The following CDT1 variants were observed in gnomAD, a reference collection of about 807,000 sequenced individuals.
The protein encoded by CDT1 is chromatin licensing and DNA replication factor 1.
CDT1 carries 66 observed loss-of-function variants against 49.3 expected under a neutral mutation model. That is an observed-to-expected ratio of 1.34 (90% CI 1.10 to 1.64). The LOEUF (loss-of-function observed/expected upper bound fraction) is 1.64, where lower values mean the gene tolerates loss of function less well. CDT1 is among the 40% of genes most tolerant of loss of function. The pLI is 0.00. For missense variants in CDT1, 958 were observed against 807.7 expected, an observed-to-expected ratio of 1.19 and a Z score of -2.26; for synonymous variants, 424 against 347.4, an observed-to-expected ratio of 1.22 and a Z score of -2.45.
chr16:88,808,484 T>C lies in CDT1; in HGVS notation c.*206T>C, dbSNP rs1908958958. The C allele has an allele frequency of 8.2e-6, 5 of 613,154 alleles. No individual in the cohort carries two copies. Among genetic ancestry groups the C allele is most frequent in the Non-Finnish European group, 1.4e-5 (5 of 351,828 alleles). 38.0% of individuals were successfully genotyped at this position (613,154 alleles called of 1,614,324 possible). A position where few individuals can be genotyped will look rare whatever the true frequency, so the allele number is the denominator to read the frequency against. On this transcript the variant is annotated 3_prime_UTR_variant, in exon 10 of 10. Coordinates refer to ENST00000301019, the MANE Select transcript of CDT1 (RefSeq NM_030928.4). ...CCCTTCATGGGGCTCACCTGGTGGA[T>C]TCACATTAAACCGGTTTCTGTGGGC...
rs763895797 is a variant in CDT1, at chr16:88,806,530, C to G, written c.978C>G (p.Asp326Glu). 2 of 1,610,756 alleles carry G rather than the reference C, an allele frequency of 1.2e-6. No individual in the cohort carries two copies. Among genetic ancestry groups the G allele is most frequent in the Non-Finnish European group, 1.7e-6 (2 of 1,179,176 alleles). ...GCCCCGCCATGGTGGTGCCGGAGGA[C>G]CAGCTGACCCGCTGGCACCCGCGCT... The part of the protein sequence containing the change: ...SLSPAMVVPE[D>E]QLTRWHPRFN... Residue 326 changes from aspartate to glutamate, a missense_variant, in exon 7 of 10, where the codon GAC becomes GAG. Physicochemically the swap from Asp to Glu is conservative, Grantham distance 45. Transcript: ENST00000301019.
In CDT1 at chr16:88,803,927, C is replaced by T; in HGVS notation, c.96C>T (p.Pro32=). The change falls in exon 1 of 10, where the codon CCC becomes CCT. Residue 32 remains proline, a synonymous_variant. Coordinates refer to ENST00000301019, the MANE Select transcript of CDT1 (RefSeq NM_030928.4). ...PPKLACRTPS[P]ARPALRAPAS... The stretch of plus-strand genomic sequence containing the variant: ...AGCTGGCCTGCCGCACCCCCAGCCC[C>T]GCCAGGCCCGCACTCCGCGCCCCGG... 3 of 1,376,148 alleles carry T rather than the reference C, an allele frequency of 2.2e-6. No individual in the cohort carries two copies. The highest frequency in any genetic ancestry group is 1.9e-6 in the Non-Finnish European group (2 of 1,062,914). The allele number at this position is 1,376,148 out of a possible 1,614,324, so 85.2% of individuals were successfully genotyped here.
Position 88,803,850 on chromosome 16 carries a change from A to T in CDT1, c.19A>T (p.Thr7Ser). 6.7e-7 allele frequency: 1 copy of T among 1,496,928 alleles called. No homozygotes were observed. Among genetic ancestry groups the T allele is most frequent in the East Asian group, 2.9e-5 (1 of 34,518 alleles). 92.7% of individuals were successfully genotyped at this position (1,496,928 alleles called of 1,614,324 possible). A position where few individuals can be genotyped will look rare whatever the true frequency, so the allele number is the denominator to read the frequency against. Residue 7 changes from threonine to serine, a missense_variant, in exon 1 of 10, where the codon ACC (threonine) becomes TCC (serine). Transcript: ENST00000301019. ...CGCCGCCATGGAGCAGCGCCGCGTC[A>T]CCGACTTCTTCGCGCGCCGCCGCCC... Reference protein sequence around the residue: MEQRRVTDFFARRRPGP... With the variant: MEQRRVSDFFARRRPGP...
At position 88,807,189 on chromosome 16, in the gene CDT1, G is replaced by C. The variant is rs761890744; in HGVS notation, c.1261G>C (p.Asp421His). The C allele has an allele frequency of 3.1e-6, 5 of 1,612,298 alleles. No homozygotes were observed. In the African/African-American group the frequency reaches 5.3e-5, roughly 17 times the overall value. Residue 421 changes from aspartate to histidine, a missense_variant, in exon 8 of 10, where the codon GAT becomes CAT. By Grantham distance (81) the Asp-to-His change is moderately conservative. Transcript: ENST00000301019. ...SPSALKGVSQ[D>H]LLERIRAKEA... The stretch of plus-strand genomic sequence containing the variant: ...CAGTGCTCTGAAGGGGGTGTCCCAG[G>C]ATCTGCTGGAGCGGGTGAGTCGTCC...
rs745731001 is a variant in CDT1 at position 88,806,006 on chromosome 16, G to A, written c.833-15G>A. On this transcript the variant is annotated splice_polypyrimidine_tract_variant and intron_variant, in intron 5 of 9. Transcript: ENST00000301019. ...GGTGGCCTGGTGGGGACTTAGGCCTGGACTCGTCCCACAGAGGCTGACGGA... is the reference window on the plus strand; with the variant it reads ...GGTGGCCTGGTGGGGACTTAGGCCTAGACTCGTCCCACAGAGGCTGACGGA... 6.3e-7 allele frequency: 1 copy of A among 1,584,180 alleles called. No individual in the cohort carries two copies. The highest frequency in any genetic ancestry group is 8.6e-7 in the Non-Finnish European group (1 of 1,168,760).
intron 9 of CDT1, 77 bp from the exon 10 acceptor site, chr16:88,808,038 G>A: frequency 6.6e-7 from 1 of 1,524,816 alleles, no homozygotes; most frequent in South Asian, 1.2e-5. Context: ...AGGTTGGGTG[G>A]TCAGGCTGGT....
At position 88,804,778 on chromosome 16, in the gene CDT1, T is replaced by A. The variant is rs753685223; in HGVS notation, c.368T>A (p.Leu123His). Residue 123 changes from leucine to histidine, a missense_variant, in exon 3 of 10, where the codon CTT (leucine) becomes CAT (histidine). Physicochemically the swap from Leu to His is moderately conservative, Grantham distance 99. Coordinates refer to ENST00000301019, the MANE Select transcript of CDT1 (RefSeq NM_030928.4). ...CCCCTGAAGGACACCATCTCTGAGC[T>A]TGCGTCATGCCTGCAACGGGCCCGG... ...SAQDQDTISE[L>H]ASCLQRAREL... The A allele has an allele frequency of 2.5e-6, 4 of 1,612,826 alleles. No individual in the cohort carries two copies. The highest frequency in any genetic ancestry group is 3.4e-6 in the Non-Finnish European group (4 of 1,179,872).
intron 7 of CDT1, 78 bp from the exon 8 acceptor site, chr16:88,806,973 T>C: frequency 2.6e-6 from 4 of 1,565,544 alleles, no homozygotes; most frequent in Non-Finnish European, 3.5e-6. Context: ...CCTTGAGAGA[T>C]ACCGGGGACT....
Position 88,807,299 on chromosome 16 carries a change from C to CAG in CDT1, c.1296_1297dup (p.Lys433ArgfsTer7), listed in dbSNP as rs1908897166. 6.2e-7 allele frequency: 1 copy of CAG among 1,612,368 alleles called. No homozygotes were observed. Among genetic ancestry groups the CAG allele is most frequent in the Non-Finnish European group, 8.5e-7 (1 of 1,179,926 alleles). On this transcript the variant is annotated frameshift_variant, in exon 9 of 10. Coordinates refer to ENST00000301019, the MANE Select transcript of CDT1 (RefSeq NM_030928.4). LOFTEE classifies it high-confidence loss of function. ...GCTGCAGATCCGAGCCAAGGAGGCACAGAAGCAGCTGGCACAGATGACGCG... is the reference window on the plus strand; with the variant it reads ...GCTGCAGATCCGAGCCAAGGAGGCACAGAGAAGCAGCTGGCACAGATGACGCG...
At chr16:88,808,047 G>A in intron 9 of CDT1, 68 bp from the exon 10 acceptor site, 1 of 1,566,118 alleles carries the variant, frequency 6.4e-7, no homozygotes, top group Non-Finnish European at 8.7e-7. Flanking sequence ...GGTCAGGCTG[G>A]TTTCAAGTGC....
chr16:88,804,084 CCGGGGAGTTGGGGG>C, intron 1 of CDT1, 25 bp downstream of exon 1: 1 of 1,356,708 alleles, frequency 7.4e-7, no homozygotes, highest in Non-Finnish European at 9.5e-7. Flanking sequence ...GAGACTGAGG[CCGGGGAGTTGGGGG>C]CGGGGAGACT....
In CDT1 at chr16:88,804,569, G is replaced by A; in HGVS notation, c.253G>A (p.Ala85Thr). ...DEVSSPSTPEAPDIPACPSPG... is the reference protein window; with the variant it reads ...DEVSSPSTPETPDIPACPSPG... ...GGTTTCCAGCCCCAGTACCCCCGAG[G>A]CCCCAGACATCCCAGCCTGCCCTTC... Residue 85 changes from alanine to threonine, a missense_variant, in exon 2 of 10, where the codon GCC becomes ACC. Coordinates refer to ENST00000301019, the MANE Select transcript of CDT1 (RefSeq NM_030928.4). 1.2e-6 allele frequency: 2 copies of A among 1,612,926 alleles called. No homozygotes were observed. The highest frequency in any genetic ancestry group is 1.7e-6 in the Non-Finnish European group (2 of 1,179,824).
Position 88,807,429 on chromosome 16 carries a change from T to C in CDT1, c.1424T>C (p.Met475Thr), listed in dbSNP as rs749966576. The C allele has an allele frequency of 2.5e-6, 4 of 1,612,976 alleles. No individual in the cohort carries two copies. The highest frequency in any genetic ancestry group is 1.3e-5 in the African/African-American group (1 of 74,940). ...TCCGAACGCAAGCCTGCGCTCAGCATGGAGGTGGCCTGTGCCAGGATGGTG... is the reference window on the plus strand; with the variant it reads ...TCCGAACGCAAGCCTGCGCTCAGCACGGAGGTGGCCTGTGCCAGGATGGTG... ...FVSERKPALS[M>T]EVACARMVGS... The change falls in exon 9 of 10, where the codon ATG becomes ACG. Residue 475 changes from methionine (M) to threonine (T), a missense_variant. Coordinates refer to ENST00000301019, the MANE Select transcript of CDT1 (RefSeq NM_030928.4).
In CDT1 at chr16:88,808,324, G is replaced by T; in HGVS notation, c.*46G>T. On this transcript the variant is annotated 3_prime_UTR_variant, in exon 10 of 10. Transcript: ENST00000301019. ...AGACGTGGGCTTCAGAAGCTCGCTG[G>T]CCTGGGCCCACCAGCATTTTCTTTT... is the stretch of plus-strand genomic sequence containing the variant. The T allele has an allele frequency of 6.5e-7, 1 of 1,537,666 alleles. No homozygotes were observed.
chr16:88,807,505 G>T, intron 9 of CDT1, 23 bp downstream of exon 9: 1 of 1,605,692 alleles, frequency 6.2e-7, no homozygotes, highest in South Asian at 1.1e-5. Context: ...CGGGGTGAAG[G>T]GGCGTGCAGG....
chr16:88,806,183 C>T, intron 6 of CDT1, 62 bp downstream of exon 6: 5 of 1,385,998 alleles, frequency 3.6e-6, no homozygotes, highest in East Asian at 2.5e-5. Flanking sequence ...CAGCACCTAA[C>T]CCTGTGCTTG....
Position 88,806,512 on chromosome 16 carries a change from C to A in CDT1, c.960C>A (p.Ala320=), listed in dbSNP as rs760937524. The part of the protein sequence containing the change: ...HKAFLASLSP[A]MVVPEDQLTR... Reference sequence around the variant, plus strand: ...CCTTCCTGGCCTCCCTGAGCCCCGCCATGGTGGTGCCGGAGGACCAGCTGA... The same window carrying A: ...CCTTCCTGGCCTCCCTGAGCCCCGCAATGGTGGTGCCGGAGGACCAGCTGA... The change falls in exon 7 of 10, where the codon GCC becomes GCA. Residue 320 remains alanine (A), a synonymous_variant. Coordinates refer to ENST00000301019, the MANE Select transcript of CDT1 (RefSeq NM_030928.4). The A allele has an allele frequency of 5.0e-6, 8 of 1,610,962 alleles. No individual in the cohort carries two copies. The highest frequency in any genetic ancestry group is 6.8e-6 in the Non-Finnish European group (8 of 1,179,230).
In CDT1 at chr16:88,804,060, G is replaced by T. The variant is rs1292038436; in HGVS notation, c.228+1G>T. The stretch of plus-strand genomic sequence containing the variant: ...GAGACTGCGGCTGTCGGTGGACGAG[G>T]TGAGGGGCGTGGGGAGACTGAGGCC... On this transcript the variant is annotated splice_donor_variant, in intron 1 of 9. Coordinates refer to ENST00000301019, the MANE Select transcript of CDT1 (RefSeq NM_030928.4). LOFTEE classifies it high-confidence loss of function. 6.9e-7 allele frequency: 1 copy of T among 1,447,822 alleles called. No homozygotes were observed. Among genetic ancestry groups the T allele is most frequent in the African/African-American group, 1.5e-5 (1 of 67,092 alleles). The allele number at this position is 1,447,822 out of a possible 1,614,324, so 89.7% of individuals were successfully genotyped here.
At position 88,804,562 on chromosome 16, in the gene CDT1, C is replaced by A; in HGVS notation, c.246C>A (p.Thr82=). 1 of 1,612,680 alleles carries A rather than the reference C, an allele frequency of 6.2e-7. No individual in the cohort carries two copies. Among genetic ancestry groups the A allele is most frequent in the Admixed American group, 1.7e-5 (1 of 59,968 alleles). ...LSVDEVSSPS[T]PEAPDIPACP... is the part of the protein sequence containing the mutation. Reference sequence around the variant, plus strand: ...CCCACCAGGTTTCCAGCCCCAGTACCCCCGAGGCCCCAGACATCCCAGCCT... The same window carrying A: ...CCCACCAGGTTTCCAGCCCCAGTACACCCGAGGCCCCAGACATCCCAGCCT... Residue 82 remains threonine (T), a synonymous_variant, in exon 2 of 10, where the codon ACC becomes ACA. Coordinates refer to ENST00000301019, the MANE Select transcript of CDT1 (RefSeq NM_030928.4).
Sources: allele counts gnomAD v4.1 joint callset, GRCh38; gene constraint gnomAD v4.1.1; transcripts MANE v1.5; gene names NCBI Gene and HGNC (gene_info 2026-07-23, HGNC 2026-07-21).